Variants in PRICKLE1 observed in about 807,000 individuals in gnomAD.
PRICKLE1 encodes the protein prickle-like protein 1.
Under a neutral mutation model 70.2 loss-of-function variants are expected in PRICKLE1, and 14 were observed. The ratio of observed to expected loss-of-function variants is 0.20; its 90% confidence interval spans 0.13 to 0.31. PRICKLE1 has a LOEUF of 0.31. Ranked by LOEUF, PRICKLE1 falls within the 10% of genes least tolerant of loss-of-function variation. The pLI is 1.00. For synonymous variants in PRICKLE1, 357 were observed against 379.9 expected, an observed-to-expected ratio of 0.94 and a Z score of 0.70; for missense variants, 821 against 1,026.2, an observed-to-expected ratio of 0.80 and a Z score of 2.73.
At chr12:42,518,888 G>A (rs771100071) in intron 1 of PRICKLE1, among the ~76,000 whole-genome samples, 4 of 152,164 alleles carry the variant, frequency 2.6e-5, no homozygotes, top group Non-Finnish European at 5.9e-5. Context: ...AAGTGTAAAT[G>A]TTATAACATG....
At chr12:42,503,592 C>A (rs529812287) in intron 1 of PRICKLE1, among the ~76,000 whole-genome samples, 1 of 152,264 alleles carries the variant, frequency 6.6e-6, no homozygotes, top group South Asian at 2.1e-4. Context: ...ACACACAAAA[C>A]AAACAAGAGC....
rs927469159 is a variant in PRICKLE1 at position 42,569,924 on chromosome 12, T to A, written c.-49+19541A>T. 2.6e-5 allele frequency among the ~76,000 whole-genome samples: 4 copies of A among 152,254 alleles called. No individual in the cohort carries two copies. The East Asian group carries it at 7.7e-4, about 29-fold the overall frequency. On this transcript the variant is annotated intron_variant, in intron 1 of 7. Coordinates refer to ENST00000345127, the MANE Select transcript of PRICKLE1 (RefSeq NM_153026.3). Reference sequence around the variant, plus strand: ...AAATGAAAGATCTGCAGAGGACACCTGCTATTGACTAGATAGTCACTAAGT... The same window carrying A: ...AAATGAAAGATCTGCAGAGGACACCAGCTATTGACTAGATAGTCACTAAGT...
chr12:42,486,165 C>G (rs1159142320), intron 1 of PRICKLE1, among the ~76,000 whole-genome samples: 1 of 152,224 alleles, frequency 6.6e-6, no homozygotes, highest in Non-Finnish European at 1.5e-5. Context: ...GCTCTAAGGT[C>G]ATCTCTACAG....
At chr12:42,480,023 G>C (rs1306283674) in intron 1 of PRICKLE1, among the ~76,000 whole-genome samples, 1 of 152,050 alleles carries the variant, frequency 6.6e-6, no homozygotes, top group African/African-American at 2.4e-5. Context: ...AAAATTATAT[G>C]TGATTTAGCC....
chr12:42,554,559 T>C (rs1940382507), intron 1 of PRICKLE1, among the ~76,000 whole-genome samples: 1 of 152,156 alleles, frequency 6.6e-6, no homozygotes, highest in Non-Finnish European at 1.5e-5. Flanking sequence ...CCTTTTAGAC[T>C]CGTTTGCAGT....
chr12:42,582,474 ATC>A (rs1482081235), intron 1 of PRICKLE1, among the ~76,000 whole-genome samples: 1 of 152,274 alleles, frequency 6.6e-6, no homozygotes, highest in Non-Finnish European at 1.5e-5. Flanking sequence ...ACCTAACTTT[ATC>A]TCTTTCTAAA....
At chr12:42,512,739 C>A (rs951789341) in intron 1 of PRICKLE1, among the ~76,000 whole-genome samples, 1 of 151,344 alleles carries the variant, frequency 6.6e-6, no homozygotes, top group East Asian at 2.0e-4. Flanking sequence ...CTCACTGCAA[C>A]CTCTGCCTCC....
intron 1 of PRICKLE1, among the ~76,000 whole-genome samples, chr12:42,508,978 A>G (rs1487799362): frequency 1.3e-5 from 2 of 152,228 alleles, no homozygotes; most frequent in African/African-American, 4.8e-5. Flanking sequence ...AGTTGTATAT[A>G]TAGGGGCCAG....
At chr12:42,548,951 T>C (rs1293235947) in intron 1 of PRICKLE1, among the ~76,000 whole-genome samples, 2 of 135,560 alleles carry the variant, frequency 1.5e-5, no homozygotes, top group African/African-American at 5.6e-5. Context: ...TGAAACCCTG[T>C]CTCTACTAAA....
Position 42,472,480 on chromosome 12 carries a change from C to A in PRICKLE1, c.37G>T (p.Ala13Ser), listed in dbSNP as rs770828628. The A allele has an allele frequency of 6.2e-7, 1 of 1,614,036 alleles. No homozygotes were observed. The highest frequency in any genetic ancestry group is 1.3e-5 in the African/African-American group (1 of 74,908). ...LEMEPKMSKLAFGCQRSSTSD... is the reference protein window; with the variant it reads ...LEMEPKMSKLSFGCQRSSTSD... ...GTGGAACTTCTCTGACAGCCAAAGG[C>A]CAGTTTGCTCATCTTGGGCTCCATC... Residue 13 changes from alanine (A) to serine (S), a missense_variant, in exon 2 of 8, where the codon GCC (alanine) becomes TCC (serine). Transcript: ENST00000345127.
chr12:42,493,693 A>G (rs1939144722), intron 1 of PRICKLE1, among the ~76,000 whole-genome samples: 1 of 151,980 alleles, frequency 6.6e-6, no homozygotes, highest in Non-Finnish European at 1.5e-5. Context: ...AGATCTTTCT[A>G]TCTTTTAAAT....
intron 1 of PRICKLE1, among the ~76,000 whole-genome samples, chr12:42,527,133 T>TTTTTTTCCTC: frequency 3.4e-5 from 1 of 29,064 alleles, no homozygotes; most frequent in Non-Finnish European, 8.4e-5. Context: ...TTCCTCTTTT[T>TTTTTTTCCTC]TTTTTTTTTT....
chr12:42,559,626 T>A (rs199497887), intron 1 of PRICKLE1, among the ~76,000 whole-genome samples: 2,266 of 81,956 alleles, frequency 0.028, 57 homozygotes, highest in African/African-American at 0.11. Context: ...ATATATATAT[T>A]TTTTTTTTTT....
At chr12:42,543,329 C>T (rs958734568) in intron 1 of PRICKLE1, among the ~76,000 whole-genome samples, 4 of 151,178 alleles carry the variant, frequency 2.6e-5, no homozygotes, top group African/African-American at 9.7e-5. Flanking sequence ...GTGTTAGGGG[C>T]GCTGACTTCC....
intron 1 of PRICKLE1, among the ~76,000 whole-genome samples, chr12:42,495,470 G>T (rs1939182216): frequency 6.6e-6 from 1 of 151,168 alleles, no homozygotes; most frequent in Admixed American, 6.6e-5. Flanking sequence ...CTCCTGGCCT[G>T]AGCCTCTCAC....
intron 1 of PRICKLE1, among the ~76,000 whole-genome samples, chr12:42,526,405 G>T (rs568658452): frequency 6.6e-6 from 1 of 152,052 alleles, no homozygotes; most frequent in East Asian, 1.9e-4. Flanking sequence ...AGGTTTGTTT[G>T]GGGGAATTAA....
intron 7 of PRICKLE1, among the ~76,000 whole-genome samples, chr12:42,462,689 G>A (rs1413298200): frequency 6.6e-6 from 1 of 152,086 alleles, no homozygotes; most frequent in East Asian, 1.9e-4. Context: ...GCAGTGTCTG[G>A]CACAAGTTAT....
chr12:42,459,945 C>A lies in PRICKLE1; in HGVS notation c.2360G>T (p.Arg787Leu), dbSNP rs776819993. 1.2e-5 allele frequency: 20 copies of A among 1,613,954 alleles called. No individual in the cohort carries two copies. Among genetic ancestry groups the A allele is most frequent in the Middle Eastern group, 1.7e-4 (1 of 6,060 alleles). Residue 787 changes from arginine to leucine, a missense_variant, in exon 8 of 8, where the codon CGG becomes CTG. Transcript: ENST00000345127. ...TGTATAGTAGGCAAATCTCTGTGGC[C>A]GGGGTTGAGGGATTGGTTGTCCAAG... ...YFLGQPIPQP[R>L]PQRFAYYTDD...
Position 42,470,162 on chromosome 12 carries a change from A to G in PRICKLE1, c.246+84T>C, listed in dbSNP as rs569478732. On this transcript the variant is annotated intron_variant, in intron 3 of 7. Coordinates refer to ENST00000345127, the MANE Select transcript of PRICKLE1 (RefSeq NM_153026.3). ...CAAAAGGGAGCCCTCGCCAGTGAGGAGTTGGGGTTTATGAGCAGCATCTCA... is the reference window on the plus strand; with the variant it reads ...CAAAAGGGAGCCCTCGCCAGTGAGGGGTTGGGGTTTATGAGCAGCATCTCA... 1.4e-4 allele frequency: 136 copies of G among 980,260 alleles called. 1 individual carries two copies. In the Admixed American group the frequency reaches 2.2e-3, roughly 16 times the overall value. The allele number at this position is 980,260 out of a possible 1,614,324, so 60.7% of individuals were successfully genotyped here.
Sources: gnomAD v4.1 joint callset for allele counts (sites outside exome capture counted in the v4.1 genomes callset) on GRCh38, gnomAD v4.1.1 for gene constraint, MANE v1.5 for transcripts, NCBI Gene and HGNC (gene_info 2026-07-23, HGNC 2026-07-21) for gene names.